GRM8: variants seen among roughly 807,000 people sequenced by gnomAD.
GRM8 encodes the protein metabotropic glutamate receptor 8.
GRM8 carries 47 observed loss-of-function variants against 87.2 expected under a neutral mutation model. The observed-to-expected ratio is 0.54, with a 90% CI of 0.43 to 0.69. GRM8 has a LOEUF of 0.69. Ranked by LOEUF, GRM8 falls within the 30% of genes least tolerant of loss-of-function variation. The probability of loss-of-function intolerance (pLI) is 0.00; values close to 1 mark genes in which losing one functional copy is unlikely to be tolerated. For synonymous variants in GRM8, 396 were observed against 404.5 expected, an observed-to-expected ratio of 0.98 and a Z score of 0.25; for missense variants, 1,019 against 1,139.2, an observed-to-expected ratio of 0.89 and a Z score of 1.52.
intron 6 of GRM8, among the ~76,000 whole-genome samples, chr7:126,774,737 T>C (rs1398902877): frequency 1.3e-5 from 2 of 152,136 alleles, no homozygotes; most frequent in African/African-American, 2.4e-5. Context: ...AAAAGGCAAA[T>C]TGACTTAAGT....
intron 7 of GRM8, among the ~76,000 whole-genome samples, chr7:126,686,525 G>C (rs187115301): frequency 9.5e-4 from 145 of 152,294 alleles, no homozygotes; most frequent in African/African-American, 3.4e-3. Flanking sequence ...TGCATTCGCT[G>C]GTGCCAGCTG....
chr7:127,175,504 G>T (rs1369886924), intron 2 of GRM8, among the ~76,000 whole-genome samples: 1 of 152,086 alleles, frequency 6.6e-6, no homozygotes, highest in Non-Finnish European at 1.5e-5. Context: ...TCAGAGAAAA[G>T]CAGGATAAAC....
intron 3 of GRM8, among the ~76,000 whole-genome samples, chr7:126,941,009 T>A (rs1330537757): frequency 6.6e-6 from 1 of 152,236 alleles, no homozygotes; most frequent in East Asian, 1.9e-4. Context: ...CAGAGTTTTA[T>A]ACATTTTAGT....
intron 3 of GRM8, among the ~76,000 whole-genome samples, chr7:127,029,345 A>G (rs1255111871): frequency 6.6e-6 from 1 of 152,224 alleles, no homozygotes; most frequent in African/African-American, 2.4e-5. Context: ...GATGTCTATT[A>G]GGTCTGCTTG....
At chr7:126,706,710 A>T (rs543871071) in intron 7 of GRM8, among the ~76,000 whole-genome samples, 2 of 152,306 alleles carry the variant, frequency 1.3e-5, no homozygotes, top group South Asian at 4.1e-4. Flanking sequence ...CAGAATGCAG[A>T]ATGTTTTGCC....
At chr7:126,458,603 T>C (rs1454685123) in intron 9 of GRM8, among the ~76,000 whole-genome samples, 1 of 151,272 alleles carries the variant, frequency 6.6e-6, no homozygotes, top group Non-Finnish European at 1.5e-5. Context: ...AAGAATAGTT[T>C]GAATAAGTCA....
At chr7:126,583,318 G>A (rs564010410) in intron 8 of GRM8, among the ~76,000 whole-genome samples, 181 of 152,082 alleles carry the variant, frequency 1.2e-3, no homozygotes, top group African/African-American at 4.1e-3. Flanking sequence ...TTGTACCATT[G>A]CACTCCCAGC....
chr7:126,980,119 G>A (rs537715580), intron 3 of GRM8, among the ~76,000 whole-genome samples: 4 of 152,284 alleles, frequency 2.6e-5, no homozygotes, highest in African/African-American at 9.6e-5. Flanking sequence ...ATTGTTCTTG[G>A]ACTTGGGCAG....
At chr7:126,692,446 C>G (rs888490681) in intron 7 of GRM8, among the ~76,000 whole-genome samples, 6 of 152,182 alleles carry the variant, frequency 3.9e-5, no homozygotes, top group Non-Finnish European at 5.9e-5. Context: ...AAGGCCCTCT[C>G]CATGTCCTTG....
In GRM8 at chr7:127,221,001, C is replaced by T. The variant is rs569454885; in HGVS notation, c.510+21694G>A. ...AGCCCCCAAGGTAAGGAAGCCTCTT[C>T]ACTTCCAAGTCCCCAAAGTCACCTG... On this transcript the variant is annotated intron_variant, in intron 2 of 10. Transcript: ENST00000339582. 3.3e-5 allele frequency among the ~76,000 whole-genome samples: 5 copies of T among 152,322 alleles called. No homozygotes were observed. In the South Asian group the frequency reaches 1.0e-3, roughly 32 times the overall value.
At chr7:126,987,648 A>G (rs1453991821) in intron 3 of GRM8, among the ~76,000 whole-genome samples, 2 of 151,886 alleles carry the variant, frequency 1.3e-5, no homozygotes. Context: ...TTTTTTTAGT[A>G]GAGATGGGGT....
chr7:126,773,322 G>C (rs1819059432), intron 6 of GRM8, among the ~76,000 whole-genome samples: 1 of 152,100 alleles, frequency 6.6e-6, no homozygotes, highest in Admixed American at 6.6e-5. Flanking sequence ...GTGGTGAAGG[G>C]TGGAGAGTGG....
chr7:127,246,271 C>A (rs1055749846), intron 1 of GRM8, among the ~76,000 whole-genome samples: 1 of 152,206 alleles, frequency 6.6e-6, no homozygotes, highest in Non-Finnish European at 1.5e-5. Context: ...TTAATCCAAG[C>A]TCATCCTAGT....
At chr7:126,924,792 T>C (rs1804914868) in intron 3 of GRM8, among the ~76,000 whole-genome samples, 1 of 152,064 alleles carries the variant, frequency 6.6e-6, no homozygotes, top group African/African-American at 2.4e-5. Context: ...ATAATGTATA[T>C]AAGAAGTTGA....
At chr7:126,530,545 C>A (rs1386848963) in intron 9 of GRM8, among the ~76,000 whole-genome samples, 1 of 152,168 alleles carries the variant, frequency 6.6e-6, no homozygotes, top group African/African-American at 2.4e-5. Flanking sequence ...ATAATTAGTT[C>A]AATGCCGGAC....
chr7:126,535,098 T>G (rs1049510785), intron 8 of GRM8, among the ~76,000 whole-genome samples: 4 of 152,174 alleles, frequency 2.6e-5, no homozygotes, highest in Admixed American at 2.0e-4. Context: ...TAAGTTCGCC[T>G]TTACTAATAA....
intron 7 of GRM8, among the ~76,000 whole-genome samples, chr7:126,752,475 C>T (rs1427197824): frequency 6.6e-6 from 1 of 151,988 alleles, no homozygotes; most frequent in Non-Finnish European, 1.5e-5. Context: ...TTCAAGGAAA[C>T]ACTTTAAAAA....
intron 8 of GRM8, among the ~76,000 whole-genome samples, chr7:126,574,903 C>T (rs1794982726): frequency 6.6e-6 from 1 of 152,128 alleles, no homozygotes; most frequent in African/African-American, 2.4e-5. Context: ...CTGATGAATA[C>T]TGACTCTATT....
intron 3 of GRM8, among the ~76,000 whole-genome samples, chr7:127,036,563 C>A (rs907033123): frequency 2.0e-5 from 3 of 152,246 alleles, no homozygotes; most frequent in Non-Finnish European, 2.9e-5. Context: ...AGCAGCAGAT[C>A]CCCACCCTGG....
Sources: gnomAD v4.1 joint callset for allele counts (sites outside exome capture counted in the v4.1 genomes callset) on GRCh38, gnomAD v4.1.1 for gene constraint, MANE v1.5 for transcripts, NCBI Gene and HGNC (gene_info 2026-07-23, HGNC 2026-07-21) for gene names.